TAFA1: variants seen among roughly 807,000 people sequenced by gnomAD.
The protein encoded by TAFA1 is chemokine-like protein TAFA-1.
Under a neutral mutation model 18.5 loss-of-function variants are expected in TAFA1, and 4 were observed. That is an observed-to-expected ratio of 0.22 (90% CI 0.11 to 0.49). TAFA1 has a LOEUF of 0.49. Ranked by LOEUF, TAFA1 falls within the 20% of genes least tolerant of loss-of-function variation. TAFA1 has a pLI of 0.98. For synonymous variants in TAFA1, 56 were observed against 55.2 expected, an observed-to-expected ratio of 1.01 and a Z score of -0.06; for missense variants, 147 against 169.0, an observed-to-expected ratio of 0.87 and a Z score of 0.72.
intron 3 of TAFA1, among the ~76,000 whole-genome samples, chr3:68,495,294 G>A (rs891205906): frequency 5.9e-5 from 9 of 152,176 alleles, no homozygotes; most frequent in East Asian, 1.9e-4. Context: ...AATGGAATAC[G>A]AGTTGGACAA....
intron 2 of TAFA1, among the ~76,000 whole-genome samples, chr3:68,082,822 G>A (rs969039298): frequency 6.6e-6 from 1 of 152,192 alleles, no homozygotes; most frequent in Non-Finnish European, 1.5e-5. Context: ...ATCTAAAAAT[G>A]TAAGACTAAA....
At chr3:68,243,686 T>A (rs1196308827) in intron 2 of TAFA1, among the ~76,000 whole-genome samples, 1 of 152,198 alleles carries the variant, frequency 6.6e-6, no homozygotes, top group Non-Finnish European at 1.5e-5. Context: ...ACAGTTTGAT[T>A]AGCCATTCAC....
chr3:68,242,366 GCA>G (rs1475468853), intron 2 of TAFA1, among the ~76,000 whole-genome samples: 1 of 152,042 alleles, frequency 6.6e-6, no homozygotes, highest in Non-Finnish European at 1.5e-5. Flanking sequence ...ACTTTTCTTT[GCA>G]CAGTCTAAAC....
chr3:68,521,384 G>A (rs1008729222), intron 3 of TAFA1, among the ~76,000 whole-genome samples: 1 of 152,172 alleles, frequency 6.6e-6, no homozygotes, highest in Admixed American at 6.5e-5. Context: ...TGGCTTTTCT[G>A]TAGCCAATTT....
chr3:68,289,328 G>A (rs146078777), intron 2 of TAFA1, among the ~76,000 whole-genome samples: 191 of 152,136 alleles, frequency 1.3e-3, no homozygotes, highest in Middle Eastern at 6.8e-3. Context: ...TCCAACTTAC[G>A]ACTCTTTCCT....
intron 2 of TAFA1, among the ~76,000 whole-genome samples, chr3:68,307,844 A>T (rs189533769): frequency 7.2e-5 from 11 of 152,294 alleles, no homozygotes; most frequent in South Asian, 2.1e-4. Context: ...AGGATTAGTT[A>T]TATGTAAAGA....
intron 2 of TAFA1, among the ~76,000 whole-genome samples, chr3:68,399,749 T>C (rs1056917255): frequency 9.9e-5 from 15 of 152,214 alleles, no homozygotes; most frequent in African/African-American, 3.6e-4. Context: ...TCCTCATATC[T>C]ACTCAATGAG....
At chr3:68,333,167 A>G (rs1464973384) in intron 2 of TAFA1, among the ~76,000 whole-genome samples, 3 of 152,218 alleles carry the variant, frequency 2.0e-5, no homozygotes, top group Admixed American at 1.3e-4. Context: ...TACTTAAAGG[A>G]ATATAAATCA....
At chr3:68,443,486 A>C (rs1354558026) in intron 3 of TAFA1, among the ~76,000 whole-genome samples, 7 of 151,650 alleles carry the variant, frequency 4.6e-5, no homozygotes, top group Admixed American at 6.6e-5. Context: ...AAAAAAAAAA[A>C]AAAAAAAAAA....
At chr3:68,393,434 C>G (rs1460826774) in intron 2 of TAFA1, among the ~76,000 whole-genome samples, 1 of 150,498 alleles carries the variant, frequency 6.6e-6, no homozygotes, top group Non-Finnish European at 1.5e-5. Context: ...ACCAGACTTT[C>G]AAAGAGAAGC....
intron 2 of TAFA1, among the ~76,000 whole-genome samples, chr3:68,108,396 T>C (rs1446793224): frequency 6.6e-6 from 1 of 152,068 alleles, no homozygotes; most frequent in Non-Finnish European, 1.5e-5. Flanking sequence ...ATATTCAATG[T>C]AATAAAGCCA....
intron 2 of TAFA1, among the ~76,000 whole-genome samples, chr3:68,348,741 C>A (rs1424461317): frequency 1.3e-5 from 2 of 152,062 alleles, no homozygotes; most frequent in Non-Finnish European, 1.5e-5. Flanking sequence ...TTCCCACGCT[C>A]CTCCACCCCA....
At chr3:68,238,454 C>T (rs2066957111) in intron 2 of TAFA1, among the ~76,000 whole-genome samples, 1 of 152,198 alleles carries the variant, frequency 6.6e-6, no homozygotes, top group Non-Finnish European at 1.5e-5. Flanking sequence ...AAGCAGTTTA[C>T]AGGTTTCCTT....
chr3:68,508,438 G>A (rs1228371537), intron 3 of TAFA1, among the ~76,000 whole-genome samples: 2 of 151,920 alleles, frequency 1.3e-5, no homozygotes, highest in Non-Finnish European at 2.9e-5. Context: ...CAAACTCTTC[G>A]TTATCTTATT....
intron 2 of TAFA1, among the ~76,000 whole-genome samples, chr3:68,101,216 C>T (rs2065143762): frequency 6.6e-6 from 1 of 151,970 alleles, no homozygotes; most frequent in South Asian, 2.1e-4. Context: ...TAGGAGAGGT[C>T]AGGCCCTCAA....
chr3:68,352,103 A>T (rs1029287023), intron 2 of TAFA1, among the ~76,000 whole-genome samples: 1 of 151,994 alleles, frequency 6.6e-6, no homozygotes, highest in African/African-American at 2.4e-5. Flanking sequence ...GGTCTGAAGG[A>T]GGTGGGAGAT....
chr3:68,275,932 G>A (rs536136692), intron 2 of TAFA1, among the ~76,000 whole-genome samples: 1 of 152,064 alleles, frequency 6.6e-6, no homozygotes, highest in Non-Finnish European at 1.5e-5. Flanking sequence ...TCACTAGATG[G>A]TAAGTACCTG....
rs559952939 is a variant in TAFA1 at position 68,422,626 on chromosome 3, A to G, written c.259+5206A>G. On this transcript the variant is annotated intron_variant, in intron 3 of 4. Coordinates refer to ENST00000478136, the MANE Select transcript of TAFA1 (RefSeq NM_213609.4). ...ATGTGGGGTAAAACCTTAGCAGCTT[A>G]TTCAAGAGTATAATATATATTTGGA... 1.1e-4 allele frequency among the ~76,000 whole-genome samples: 16 copies of G among 152,254 alleles called. No homozygotes were observed. In the East Asian group the frequency reaches 3.1e-3, roughly 29 times the overall value.
chr3:68,144,270 C>T lies in TAFA1; in HGVS notation c.118+137526C>T, dbSNP rs6765633. ...CTGTATGTTGCCTGTCCATGTTGGG[C>T]TGGCCAACTGAGGTATGCACTGTCC... On this transcript the variant is annotated intron_variant, in intron 2 of 4. Transcript: ENST00000478136. Among the ~76,000 whole-genome samples the T allele has an allele frequency of 7.0e-3, 1,068 of 152,262 alleles. 8 individuals are homozygous for T. Among genetic ancestry groups the T allele is most frequent in the African/African-American group, 0.024 (1,008 of 41,542 alleles).
Sources: allele counts gnomAD v4.1 joint callset (sites outside exome capture counted in the v4.1 genomes callset), GRCh38; gene constraint gnomAD v4.1.1; transcripts MANE v1.5; gene names NCBI Gene and HGNC (gene_info 2026-07-23, HGNC 2026-07-21).